Variants in APBA2 observed in about 807,000 individuals in gnomAD.
The protein encoded by APBA2 is amyloid-beta A4 precursor protein-binding family A member 2.
APBA2 carries 30 observed loss-of-function variants against 75.0 expected under a neutral mutation model. That is an observed-to-expected ratio of 0.40 (90% CI 0.30 to 0.54). The LOEUF (loss-of-function observed/expected upper bound fraction) is 0.54. Among genes scored for constraint, APBA2 ranks in the 20% least tolerant of loss-of-function variants. The pLI is 0.49. For synonymous variants in APBA2, 444 were observed against 409.6 expected, an observed-to-expected ratio of 1.08 and a Z score of -1.01; for missense variants, 801 against 1,016.1, an observed-to-expected ratio of 0.79 and a Z score of 2.88.
intron 1 of APBA2, among the ~76,000 whole-genome samples, chr15:28,907,271 T>G (rs1263187059): frequency 6.6e-6 from 1 of 152,222 alleles, no homozygotes; most frequent in Non-Finnish European, 1.5e-5. Context: ...AGATTTGTCA[T>G]GGGTTAAGTT....
At chr15:29,017,274 C>A (rs888013620) in intron 3 of APBA2, among the ~76,000 whole-genome samples, 3 of 151,952 alleles carry the variant, frequency 2.0e-5, no homozygotes, top group Non-Finnish European at 4.4e-5. Flanking sequence ...TTAATTTCTC[C>A]ATTTTCTCTT....
intron 2 of APBA2, among the ~76,000 whole-genome samples, chr15:28,975,888 G>A (rs1263015767): frequency 6.6e-6 from 1 of 152,234 alleles, no homozygotes; most frequent in East Asian, 1.9e-4. Flanking sequence ...CTGTGGAGCA[G>A]CCATTCAGAT....
chr15:29,047,654 C>G lies in APBA2; in HGVS notation c.-40-6191C>G, dbSNP rs2041401264. Among the ~76,000 whole-genome samples the G allele has an allele frequency of 3.3e-5, 5 of 152,166 alleles. No individual in the cohort carries two copies. The South Asian group carries it at 1.0e-3, about 32-fold the overall frequency. On this transcript the variant is annotated intron_variant, in intron 3 of 14. Transcript: ENST00000683413. Reference sequence around the variant, plus strand: ...ATAAGTCAAGGGTGCCTGTTAGTGCCATTGTTAACTCCTCAGGGAAGTGCA... The same window carrying G: ...ATAAGTCAAGGGTGCCTGTTAGTGCGATTGTTAACTCCTCAGGGAAGTGCA...
intron 3 of APBA2, among the ~76,000 whole-genome samples, chr15:29,028,166 T>C (rs1397391601): frequency 6.8e-6 from 1 of 147,168 alleles, no homozygotes. Context: ...ATCCCACCCC[T>C]GACAGGCCCC....
chr15:29,028,221 C>T (rs986365537), intron 3 of APBA2, among the ~76,000 whole-genome samples: 1 of 151,764 alleles, frequency 6.6e-6, no homozygotes, highest in African/African-American at 2.4e-5. Context: ...TCTCAGTGTT[C>T]AGCTCCCACT....
chr15:28,910,760 C>G (rs188897849), intron 1 of APBA2, among the ~76,000 whole-genome samples: 10 of 152,274 alleles, frequency 6.6e-5, no homozygotes, highest in Admixed American at 6.5e-4. Flanking sequence ...AGATTTTTCT[C>G]TTTTCATTTC....
intron 4 of APBA2, among the ~76,000 whole-genome samples, chr15:29,066,175 C>T (rs1249287421): frequency 6.6e-6 from 1 of 152,056 alleles, no homozygotes; most frequent in East Asian, 1.9e-4. Context: ...TCATTGGGCC[C>T]CACTTTTAGA....
rs1046394 is a variant in APBA2 at position 29,106,712 on chromosome 15, G to A, written c.1810G>A (p.Gly604Ser). 6.2e-6 allele frequency: 10 copies of A among 1,613,040 alleles called. No homozygotes were observed. Among genetic ancestry groups the A allele is most frequent in the Non-Finnish European group, 8.5e-6 (10 of 1,180,000 alleles). Reference protein sequence around the residue: ...TVILANMMNGGPAARSGKLSI... With the variant: ...TVILANMMNGSPAARSGKLSI... ...GATCCTGGCCAACATGATGAATGGC[G>A]GCCCGGCTGCCCGCTCGGGGAAGCT... is the stretch of plus-strand genomic sequence containing the variant. Residue 604 changes from glycine (G) to serine (S), a missense_variant, in exon 12 of 15, where the codon GGC (glycine) becomes AGC (serine). Physicochemically the swap from Gly to Ser is moderately conservative, Grantham distance 56. This residue lies in a region of APBA2 where 367 missense variants were observed against 544.5 expected (regional missense o/e 0.67). Coordinates refer to ENST00000683413, the MANE Select transcript of APBA2 (RefSeq NM_001353788.2).
At chr15:29,018,747 A>G (rs575377636) in intron 3 of APBA2, among the ~76,000 whole-genome samples, 27 of 152,300 alleles carry the variant, frequency 1.8e-4, no homozygotes, top group African/African-American at 6.3e-4. Flanking sequence ...GTGACAGGAT[A>G]TGGTAGCTCC....
intron 1 of APBA2, among the ~76,000 whole-genome samples, chr15:28,897,530 A>G (rs2032572430): frequency 6.7e-6 from 1 of 149,610 alleles, no homozygotes; most frequent in African/African-American, 2.5e-5. Flanking sequence ...AGGTGGGAGA[A>G]TCACCTGAAC....
intron 2 of APBA2, among the ~76,000 whole-genome samples, chr15:28,994,877 A>C (rs1474364831): frequency 6.6e-6 from 1 of 152,174 alleles, no homozygotes; most frequent in Non-Finnish European, 1.5e-5. Flanking sequence ...CAGCGCAGCC[A>C]TTCGTGAAGG....
At chr15:28,997,255 C>T (rs561281486) in intron 3 of APBA2, among the ~76,000 whole-genome samples, 1 of 152,266 alleles carries the variant, frequency 6.6e-6, no homozygotes, top group South Asian at 2.1e-4. Context: ...AATCAGCCCT[C>T]GTCCATGAAA....
Position 29,003,913 on chromosome 15 carries a change from T to C in APBA2, c.-41+8107T>C, listed in dbSNP as rs142565705. On this transcript the variant is annotated intron_variant, in intron 3 of 14. Transcript: ENST00000683413. ...CTTTAATGACATGGACAGAAGACTT[T>C]CACAGCAACGTCTGGAAGAGTGGCT... Among the ~76,000 whole-genome samples, 642 of 152,348 alleles carry C rather than the reference T, an allele frequency of 4.2e-3. 6 individuals carry two copies. The highest frequency in any genetic ancestry group is 0.014 in the African/African-American group (595 of 41,584).
chr15:28,920,938 G>A (rs1273165334), intron 1 of APBA2, among the ~76,000 whole-genome samples: 1 of 152,140 alleles, frequency 6.6e-6, no homozygotes, highest in African/African-American at 2.4e-5. Context: ...CGAAGTCCAG[G>A]CAGATGGTGC....
intron 14 of APBA2, among the ~76,000 whole-genome samples, chr15:29,116,108 C>T (rs2045108615): frequency 6.6e-6 from 1 of 152,174 alleles, no homozygotes; most frequent in Non-Finnish European, 1.5e-5. Context: ...TTCCCAGTGT[C>T]CGCAAAGAAG....
chr15:28,967,606 T>G (rs980215699), intron 2 of APBA2, among the ~76,000 whole-genome samples: 3 of 151,996 alleles, frequency 2.0e-5, no homozygotes, highest in East Asian at 3.9e-4. Flanking sequence ...GCCCGGCTAA[T>G]TTTTTGTATT....
chr15:28,987,729 G>GATATATATATATATATAT (rs146348050), intron 2 of APBA2, among the ~76,000 whole-genome samples: 2 of 106,224 alleles, frequency 1.9e-5, no homozygotes, highest in Admixed American at 2.0e-4. Flanking sequence ...TGTGGAGAGA[G>GATATATATATATATATAT]ATATATATAT....
At chr15:29,008,520 G>A (rs919780976) in intron 3 of APBA2, among the ~76,000 whole-genome samples, 4 of 151,948 alleles carry the variant, frequency 2.6e-5, no homozygotes, top group Non-Finnish European at 5.9e-5. Flanking sequence ...CCAGGAGTTC[G>A]AGACCAGCCT....
intron 10 of APBA2, among the ~76,000 whole-genome samples, chr15:29,103,819 C>A (rs564240278): frequency 5.6e-4 from 86 of 152,304 alleles, no homozygotes; most frequent in African/African-American, 2.1e-3. Flanking sequence ...TGGGGGCCGC[C>A]CTCCGCTCTT....
Sources: gnomAD v4.1 joint callset for allele counts (sites outside exome capture counted in the v4.1 genomes callset) on GRCh38, gnomAD v4.1.1 for gene constraint, gnomAD v4.1.1 regional missense constraint, MANE v1.5 for transcripts, NCBI Gene and HGNC (gene_info 2026-07-23, HGNC 2026-07-21) for gene names.